The following TANGO6 variants were observed in gnomAD, a reference collection of about 807,000 sequenced individuals.
The protein encoded by TANGO6 is transport and Golgi organization protein 6 homolog.
TANGO6 carries 90 observed loss-of-function variants against 114.2 expected under a neutral mutation model. The observed-to-expected ratio is 0.79, with a 90% CI of 0.66 to 0.94. TANGO6 has a LOEUF of 0.94. Ranked by LOEUF, TANGO6 falls within the 40% of genes least tolerant of loss-of-function variation. The pLI is 0.00. For missense variants in TANGO6, 1,274 were observed against 1,315.3 expected, an observed-to-expected ratio of 0.97 and a Z score of 0.49; for synonymous variants, 477 against 509.8, an observed-to-expected ratio of 0.94 and a Z score of 0.87.
intron 5 of TANGO6, among the ~76,000 whole-genome samples, chr16:68,877,829 C>G (rs541163460): frequency 1.3e-5 from 2 of 152,006 alleles, no homozygotes; most frequent in Non-Finnish European, 2.9e-5. Flanking sequence ...AGGATGGTCT[C>G]GATCTCCTGA....
At chr16:69,040,514 T>C (rs1309647077) in intron 17 of TANGO6, 93 bp downstream of exon 17, 16 of 985,790 alleles carry the variant, frequency 1.6e-5, no homozygotes, top group Non-Finnish European at 2.5e-5. Context: ...TCAAACCTCT[T>C]TCCTCGATGG....
chr16:68,875,161 A>G lies in TANGO6; in HGVS notation c.1002A>G (p.Ala334=). 1 of 1,610,898 alleles carries G rather than the reference A, an allele frequency of 6.2e-7. No homozygotes were observed. The highest frequency in any genetic ancestry group is 8.5e-7 in the Non-Finnish European group (1 of 1,177,700). ...RGILEGAGAG[A]AGGSDAEVTA... ...CTCTCTCCATTGTGCCAGCGGGAGCAGCTGGTGGAAGTGATGCTGAGGTGA... is the reference window on the plus strand; with the variant it reads ...CTCTCTCCATTGTGCCAGCGGGAGCGGCTGGTGGAAGTGATGCTGAGGTGA... The change falls in exon 5 of 18, where the codon GCA becomes GCG. Residue 334 remains alanine, a synonymous_variant. Transcript: ENST00000261778.
chr16:68,922,037 C>A (rs1236981277), intron 12 of TANGO6, among the ~76,000 whole-genome samples: 1 of 152,058 alleles, frequency 6.6e-6, no homozygotes. Context: ...TAATCATTGT[C>A]AGGCTAACAA....
At chr16:69,071,645 T>C (rs1960297712) in intron 17 of TANGO6, among the ~76,000 whole-genome samples, 2 of 152,374 alleles carry the variant, frequency 1.3e-5, no homozygotes, top group Non-Finnish European at 2.9e-5. Context: ...GAGCCTTTTT[T>C]CTTCCTCTAT....
At chr16:68,979,846 CTTT>C (rs775591234) in intron 15 of TANGO6, among the ~76,000 whole-genome samples, 3 of 136,282 alleles carry the variant, frequency 2.2e-5, no homozygotes, top group Admixed American at 7.4e-5. Context: ...TGTTTTTTGA[CTTT>C]TTTTTTTTTT....
At chr16:68,912,531 G>A (rs1028857184) in intron 11 of TANGO6, among the ~76,000 whole-genome samples, 18 of 152,178 alleles carry the variant, frequency 1.2e-4, no homozygotes, top group African/African-American at 4.3e-4. Context: ...ACTACTGGGA[G>A]GCTGAAGCAG....
intron 17 of TANGO6, among the ~76,000 whole-genome samples, chr16:69,040,747 A>G (rs1959759986): frequency 6.6e-6 from 1 of 152,042 alleles, no homozygotes; most frequent in Non-Finnish European, 1.5e-5. Flanking sequence ...TGCACCCTGA[A>G]CTTCAGTGAC....
chr16:68,979,564 G>A (rs1379769992), intron 15 of TANGO6, among the ~76,000 whole-genome samples: 2 of 152,036 alleles, frequency 1.3e-5, no homozygotes, highest in Non-Finnish European at 2.9e-5. Flanking sequence ...TTGCTAAAAT[G>A]TCTTCCAGAG....
intron 3 of TANGO6, among the ~76,000 whole-genome samples, chr16:68,865,580 T>C (rs1962163726): frequency 6.6e-6 from 1 of 152,112 alleles, no homozygotes; most frequent in South Asian, 2.1e-4. Flanking sequence ...AAAGGGGTCC[T>C]TGAAGAAATC....
At chr16:68,848,019 A>G (rs1006900298) in intron 1 of TANGO6, among the ~76,000 whole-genome samples, 1 of 151,048 alleles carries the variant, frequency 6.6e-6, no homozygotes, top group African/African-American at 2.4e-5. Flanking sequence ...AAAAAAAAAA[A>G]CTATTGCAAA....
intron 3 of TANGO6, 72 bp from the exon 4 acceptor site, chr16:68,867,007 A>G: frequency 1.7e-6 from 1 of 584,108 alleles, no homozygotes. Context: ...TTTTACAGGC[A>G]TGAGCCACTA....
intron 3 of TANGO6, among the ~76,000 whole-genome samples, chr16:68,865,228 A>G (rs1460245396): frequency 6.6e-6 from 1 of 150,680 alleles, no homozygotes; most frequent in African/African-American, 2.4e-5. Context: ...GTGAGCCCAG[A>G]TCGCGCCACT....
chr16:68,997,214 G>C (rs1361088931), intron 15 of TANGO6, among the ~76,000 whole-genome samples: 1 of 152,150 alleles, frequency 6.6e-6, no homozygotes, highest in African/African-American at 2.4e-5. Flanking sequence ...GCTTCACTGA[G>C]GAAGGAATTC....
At chr16:69,013,181 T>C (rs1959228022) in intron 15 of TANGO6, among the ~76,000 whole-genome samples, 1 of 152,268 alleles carries the variant, frequency 6.6e-6, no homozygotes, top group South Asian at 2.1e-4. Context: ...GAAAGTTATA[T>C]GTATATATGC....
In TANGO6 at chr16:68,878,226, A is replaced by T. The variant is rs1436489331; in HGVS notation, c.1240A>T (p.Lys414Ter). 2.5e-6 allele frequency: 4 copies of T among 1,613,300 alleles called. No individual in the cohort carries two copies. Among genetic ancestry groups the T allele is most frequent in the Non-Finnish European group, 3.4e-6 (4 of 1,179,622 alleles). The stretch of plus-strand genomic sequence containing the variant: ...AAGAGAACGCCCACATTTGGCAGCA[A>T]AGTATTTGCTCCAGCCAGTGTTAGC... ...LSRERPHLAAKYLLQPVLAPL... is the reference protein window; with the variant it reads ...LSRERPHLAA Residue 414 changes from lysine (K) to a stop codon, truncating the protein, a stop_gained, in exon 6 of 18, where the codon AAG becomes TAG. Transcript: ENST00000261778. LOFTEE classifies it high-confidence loss of function.
chr16:68,851,499 A>T (rs751548483), intron 1 of TANGO6, among the ~76,000 whole-genome samples: 1 of 152,178 alleles, frequency 6.6e-6, no homozygotes, highest in Admixed American at 6.6e-5. Context: ...CAATCGGTAC[A>T]TGATGGTACG....
chr16:69,028,856 C>CAAAAAAAAAAAAAAAAAA, intron 16 of TANGO6, among the ~76,000 whole-genome samples: 1 of 65,554 alleles, frequency 1.5e-5, no homozygotes, highest in Non-Finnish European at 3.4e-5. Flanking sequence ...CCCAGTTTAA[C>CAAAAAAAAAAAAAAAAAA]AAAAAAAAAA....
At chr16:68,889,057 C>T (rs1168114331) in intron 7 of TANGO6, among the ~76,000 whole-genome samples, 1 of 152,228 alleles carries the variant, frequency 6.6e-6, no homozygotes, top group African/African-American at 2.4e-5. Flanking sequence ...CTCCTGACCT[C>T]AAGTGATCCA....
chr16:69,069,887 C>A (rs1417803346), intron 17 of TANGO6, among the ~76,000 whole-genome samples: 2 of 151,986 alleles, frequency 1.3e-5, no homozygotes, highest in Non-Finnish European at 2.9e-5. Context: ...GTCCACATTG[C>A]AAAGTAAAAG....
Sources: allele counts gnomAD v4.1 joint callset (sites outside exome capture counted in the v4.1 genomes callset), GRCh38; gene constraint gnomAD v4.1.1; transcripts MANE v1.5; gene names NCBI Gene and HGNC (gene_info 2026-07-23, HGNC 2026-07-21).